Variants in OSGEPL1 observed in about 807,000 individuals in gnomAD.
The protein encoded by OSGEPL1 is tRNA N6-adenosine threonylcarbamoyltransferase, mitochondrial.
A neutral mutation model predicts 37.2 loss-of-function variants in OSGEPL1; 26 were observed. The observed-to-expected ratio is 0.70, with a 90% CI of 0.51 to 0.97. The LOEUF is 0.97. Ranked by LOEUF, OSGEPL1 falls within the 50% of genes least tolerant of loss-of-function variation. OSGEPL1 has a pLI of 0.00. For missense variants in OSGEPL1, 404 were observed against 487.0 expected (o/e 0.83, Z 1.60); for synonymous variants, 140 against 159.9 (o/e 0.88, Z 0.94).
At position 189,755,504 on chromosome 2, in the gene OSGEPL1, C is replaced by T. The variant is rs377465918; in HGVS notation, c.278G>A (p.Arg93Gln). The T allele has an allele frequency of 2.1e-5, 33 of 1,601,670 alleles. No homozygotes were observed. The African/African-American group carries it at 2.4e-4, about 12-fold the overall frequency. The change falls in exon 3 of 9, where the codon CGA becomes CAA. Residue 93 changes from arginine (R) to glutamine (Q), a missense_variant. Arg to Gln is a conservative substitution (Grantham distance 43, BLOSUM62 1). Coordinates refer to ENST00000264151, the MANE Select transcript of OSGEPL1 (RefSeq NM_022353.3). ...GGCAGAAAGAGCTTCTTGTACTATTCGTTGAATATTTTCTCTGTGAAGCTG... is the reference window on the plus strand; with the variant it reads ...GGCAGAAAGAGCTTCTTGTACTATTTGTTGAATATTTTCTCTGTGAAGCTG... The part of the protein sequence containing the change: ...AQQLHRENIQ[R>Q]IVQEALSASG...
In OSGEPL1 at chr2:189,746,742, G is replaced by A; in HGVS notation, c.*455C>T. The A allele has an allele frequency of 8.7e-7, 1 of 1,147,264 alleles. No individual in the cohort carries two copies. Among genetic ancestry groups the A allele is most frequent in the South Asian group, 1.9e-5 (1 of 52,354 alleles). 71.1% of individuals were successfully genotyped at this position (1,147,264 alleles called of 1,614,324 possible). Reference sequence around the variant, plus strand: ...ATAATCTTTTTGAATGAAAGTTCTTGATCTCGATACTAAGCAGATTTTCCT... The same window carrying A: ...ATAATCTTTTTGAATGAAAGTTCTTAATCTCGATACTAAGCAGATTTTCCT... On this transcript the variant is annotated 3_prime_UTR_variant, in exon 9 of 9. Transcript: ENST00000264151.
In OSGEPL1 at chr2:189,756,143, A is replaced by G. The variant is rs530997150; in HGVS notation, c.222-583T>C. Reference sequence around the variant, plus strand: ...ACATGAAGACAGTTTTATAAAGACGACGAGTTTATTTTAAAACACATTCCA... The same window carrying G: ...ACATGAAGACAGTTTTATAAAGACGGCGAGTTTATTTTAAAACACATTCCA... On this transcript the variant is annotated intron_variant, in intron 2 of 8. Transcript: ENST00000264151. Among the ~76,000 whole-genome samples the G allele has an allele frequency of 4.7e-4, 71 of 152,364 alleles. 1 individual carries two copies. Among genetic ancestry groups the G allele is most frequent in the Admixed American group, 4.3e-3 (66 of 15,300 alleles).
intron 7 of OSGEPL1, 115 bp from the exon 8 acceptor site, chr2:189,750,771 T>C: frequency 1.4e-6 from 1 of 693,826 alleles, no homozygotes; most frequent in Non-Finnish European, 2.3e-6. Flanking sequence ...TAATTCATCA[T>C]ATGTGGTGAT....
intron 7 of OSGEPL1, among the ~76,000 whole-genome samples, chr2:189,751,610 A>T (rs1040148702): frequency 6.6e-6 from 1 of 150,922 alleles, no homozygotes; most frequent in East Asian, 2.0e-4. Flanking sequence ...ACGCCTGGCT[A>T]ATTTTTGTAT....
chr2:189,760,173 T>G (rs534185589), intron 2 of OSGEPL1, among the ~76,000 whole-genome samples: 160 of 152,356 alleles, frequency 1.1e-3, no homozygotes, highest in African/African-American at 3.3e-3. Context: ...CACAGACATA[T>G]TAACAATCTG....
chr2:189,761,733 T>G (rs2047088708), intron 1 of OSGEPL1, 73 bp from the exon 2 acceptor site: 1 of 1,387,918 alleles, frequency 7.2e-7, no homozygotes, highest in African/African-American at 1.5e-5. Flanking sequence ...ATATATAGTT[T>G]TACAGAATTA....
In OSGEPL1 at chr2:189,761,604, T is replaced by A. The variant is rs1574938568; in HGVS notation, c.37A>T (p.Lys13Ter). The change falls in exon 2 of 9, where the codon AAA (lysine) becomes TAA (stop). Residue 13 changes from lysine to a stop codon, truncating the protein, a stop_gained. Coordinates refer to ENST00000264151, the MANE Select transcript of OSGEPL1 (RefSeq NM_022353.3). LOFTEE classifies it high-confidence loss of function. ...ILTKTAGVFF[K>*]PSKRKVYEFL... ...TCATAAACTTTCCTTTTTGATGGTTTAAAAAAAACTCCTGCAGTCTTAGTC... is the reference window on the plus strand; with the variant it reads ...TCATAAACTTTCCTTTTTGATGGTTAAAAAAAAACTCCTGCAGTCTTAGTC... The A allele has an allele frequency of 6.2e-7, 1 of 1,605,544 alleles. No homozygotes were observed. Among genetic ancestry groups the A allele is most frequent in the East Asian group, 2.2e-5 (1 of 44,654 alleles).
rs749636297 is a variant in OSGEPL1, at chr2:189,755,404, C to T, written c.378G>A (p.Val126=). 6.2e-7 allele frequency: 1 copy of T among 1,611,530 alleles called. No homozygotes were observed. ...CCAGCTGTAAGCTAAATGATAAGCCCACTCCCAGGCTTAAAGCAAGTCCTG... is the reference window on the plus strand; with the variant it reads ...CCAGCTGTAAGCTAAATGATAAGCCTACTCCCAGGCTTAAAGCAAGTCCTG... The part of the protein sequence containing the change: ...IKPGLALSLG[V]GLSFSLQLVG... Residue 126 remains valine, a synonymous_variant, in exon 3 of 9, where the codon GTG becomes GTA. Coordinates refer to ENST00000264151, the MANE Select transcript of OSGEPL1 (RefSeq NM_022353.3).
At chr2:189,752,561 A>G in intron 7 of OSGEPL1, 92 bp downstream of exon 7, 1 of 1,183,750 alleles carries the variant, frequency 8.4e-7, no homozygotes, top group Admixed American at 1.9e-5. Context: ...GTACCACCAG[A>G]ATGTCAATGA....
chr2:189,754,222 G>C lies in OSGEPL1; in HGVS notation c.733C>G (p.His245Asp). 1 of 1,613,856 alleles carries C rather than the reference G, an allele frequency of 6.2e-7. No individual in the cohort carries two copies. Among genetic ancestry groups the C allele is most frequent in the Non-Finnish European group, 8.5e-7 (1 of 1,179,824 alleles). The change falls in exon 4 of 9, where the codon CAT becomes GAT. Residue 245 changes from histidine to aspartate, a missense_variant. Transcript: ENST00000264151. ...FHFDIKPPLH[H>D]AKNCDFSFTG... is the part of the protein sequence containing the mutation. ...AAAGAAAAATCACAATTTTTAGCAT[G>C]ATGCAAGGGAGGTTTGATGTCAAAA...
chr2:189,754,614 A>G (rs1364515355), intron 3 of OSGEPL1: 1 of 413,652 alleles, frequency 2.4e-6, no homozygotes, highest in African/African-American at 2.1e-5. Context: ...AGTTGACAAT[A>G]ACTGCTTAAT....
chr2:189,748,162 C>T (rs1485001957), intron 8 of OSGEPL1, among the ~76,000 whole-genome samples: 2 of 152,140 alleles, frequency 1.3e-5, no homozygotes, highest in Non-Finnish European at 2.9e-5. Context: ...GTGCTAGAGT[C>T]CAAAGTCAGT....
intron 2 of OSGEPL1, among the ~76,000 whole-genome samples, chr2:189,759,746 T>C (rs2046694935): frequency 1.1e-5 from 1 of 89,960 alleles, no homozygotes; most frequent in African/African-American, 5.7e-5. Flanking sequence ...ATTTTATTCT[T>C]ATTTATTTAT....
At position 189,750,574 on chromosome 2, in the gene OSGEPL1, G is replaced by A. The variant is rs2045011892; in HGVS notation, c.*4C>T. On this transcript the variant is annotated 3_prime_UTR_variant, in exon 8 of 9. Transcript: ENST00000264151. Reference sequence around the variant, plus strand: ...CCTTTAGGGACTTTTTTGAACAGCAGAAATCATATCTCCATTTTTAATTGT... The same window carrying A: ...CCTTTAGGGACTTTTTTGAACAGCAAAAATCATATCTCCATTTTTAATTGT... The A allele has an allele frequency of 6.5e-7, 1 of 1,536,238 alleles. No homozygotes were observed. Among genetic ancestry groups the A allele is most frequent in the Admixed American group, 1.8e-5 (1 of 54,214 alleles).
chr2:189,750,947 A>G (rs1248298403), intron 7 of OSGEPL1, among the ~76,000 whole-genome samples: 1 of 152,216 alleles, frequency 6.6e-6, no homozygotes, highest in Non-Finnish European at 1.5e-5. Context: ...AAAAATAATG[A>G]AAAATATCTT....
At chr2:189,749,621 G>A (rs943106213) in intron 8 of OSGEPL1, among the ~76,000 whole-genome samples, 21 of 152,020 alleles carry the variant, frequency 1.4e-4, no homozygotes, top group African/African-American at 4.6e-4. Context: ...TGATGTGAAA[G>A]TATGTGGACA....
chr2:189,748,137 C>A (rs780613703), intron 8 of OSGEPL1, among the ~76,000 whole-genome samples: 1 of 152,182 alleles, frequency 6.6e-6, no homozygotes, highest in Non-Finnish European at 1.5e-5. Context: ...CCGATATGTA[C>A]TTAGGGCTTT....
intron 8 of OSGEPL1, among the ~76,000 whole-genome samples, chr2:189,749,557 CA>C (rs978423501): frequency 4.6e-5 from 7 of 151,310 alleles, no homozygotes; most frequent in South Asian, 2.1e-4. Context: ...AAAAAAAATC[CA>C]AAAAAACTCC....
intron 5 of OSGEPL1, among the ~76,000 whole-genome samples, chr2:189,753,435 A>C (rs1203582333): frequency 6.6e-6 from 1 of 152,194 alleles, no homozygotes; most frequent in Non-Finnish European, 1.5e-5. Context: ...ATGTTTGTCA[A>C]GGCTTTTAAG....
Sources: gnomAD v4.1 joint callset for allele counts (sites outside exome capture counted in the v4.1 genomes callset) on GRCh38, gnomAD v4.1.1 for gene constraint, MANE v1.5 for transcripts, NCBI Gene and HGNC (gene_info 2026-07-23, HGNC 2026-07-21) for gene names.